PCDHA6: variants seen among roughly 807,000 people sequenced by gnomAD.
PCDHA6 encodes protocadherin alpha-6.
In PCDHA6, 55 loss-of-function variants were observed where a neutral mutation model predicts 60.3. That is an observed-to-expected ratio of 0.91 (90% CI 0.73 to 1.14). The LOEUF (loss-of-function observed/expected upper bound fraction) is 1.14, where lower values mean the gene tolerates loss of function less well. PCDHA6 is among the 50% of genes most tolerant of loss of function. The pLI, the probability that PCDHA6 is intolerant of heterozygous loss-of-function variation, is 0.00. For missense variants in PCDHA6, 1,327 were observed against 1,256.5 expected (o/e 1.06, Z -0.85); for synonymous variants, 652 against 557.9 (o/e 1.17, Z -2.38).
At chr5:140,884,433 G>C in intron 1 of PCDHA6, 1 of 1,613,908 alleles carries the variant, frequency 6.2e-7, no homozygotes, top group Non-Finnish European at 8.5e-7. Context: ...ACTGCGCTGC[G>C]GTGCTCGGCA....
chr5:140,930,766 T>C (rs1476506441), intron 1 of PCDHA6, among the ~76,000 whole-genome samples: 1 of 152,240 alleles, frequency 6.6e-6, no homozygotes, highest in Admixed American at 6.5e-5. Context: ...AAATTTTCTG[T>C]ACTTAATATT....
intron 3 of PCDHA6, among the ~76,000 whole-genome samples, chr5:141,000,339 A>ATC (rs1414297743): frequency 9.8e-6 from 1 of 102,338 alleles, no homozygotes; most frequent in Non-Finnish European, 2.1e-5. Context: ...GCAAGGCCCT[A>ATC]TCTCTCTCTC....
At chr5:140,928,077 C>T in intron 1 of PCDHA6, 1 of 1,614,230 alleles carries the variant, frequency 6.2e-7, no homozygotes, top group Non-Finnish European at 8.5e-7. Context: ...ACAACTACTA[C>T]AGCCTGCTGA....
intron 1 of PCDHA6, chr5:140,883,531 T>C (rs782406173): frequency 6.8e-6 from 11 of 1,614,092 alleles, no homozygotes; most frequent in Middle Eastern, 1.6e-4. Flanking sequence ...TATCAGCCTA[T>C]GAACTGGTGG....
intron 1 of PCDHA6, among the ~76,000 whole-genome samples, chr5:140,918,680 C>T (rs1291001659): frequency 6.6e-6 from 1 of 152,084 alleles, no homozygotes; most frequent in Non-Finnish European, 1.5e-5. Flanking sequence ...GAGGTGAGAC[C>T]TTTCAAACAT....
chr5:140,961,571 A>AT (rs2095622432), intron 1 of PCDHA6, among the ~76,000 whole-genome samples: 1 of 152,076 alleles, frequency 6.6e-6, no homozygotes. Flanking sequence ...TTTTGTTTTG[A>AT]TAAGCATTTA....
In PCDHA6 at chr5:140,829,217, G is replaced by C. The variant is rs2150164060; in HGVS notation, c.1126G>C (p.Asp376His). ...TGTCATCGCCCTAATTAGCGTGAAC[G>C]ACCTCGATTCAGGTGCCAACGGGCA... ...GTVIALISVN[D>H]LDSGANGQVN... The change falls in exon 1 of 4, where the codon GAC (aspartate) becomes CAC (histidine). Residue 376 changes from aspartate to histidine, a missense_variant. Physicochemically the swap from Asp to His is moderately conservative, Grantham distance 81. Coordinates refer to ENST00000529310, the MANE Select transcript of PCDHA6 (RefSeq NM_018909.4). 3.3e-5 allele frequency: 54 copies of C among 1,614,086 alleles called. No individual in the cohort carries two copies. The highest frequency in any genetic ancestry group is 4.3e-5 in the Non-Finnish European group (51 of 1,180,044).
chr5:140,879,064 G>C (rs1389510074), intron 1 of PCDHA6, among the ~76,000 whole-genome samples: 1 of 152,214 alleles, frequency 6.6e-6, no homozygotes, highest in South Asian at 2.1e-4. Flanking sequence ...TACCAAGAAA[G>C]TGTTAAGAGA....
At chr5:140,938,333 T>G (rs2092022298) in intron 1 of PCDHA6, among the ~76,000 whole-genome samples, 1 of 152,248 alleles carries the variant, frequency 6.6e-6, no homozygotes, top group Non-Finnish European at 1.5e-5. Context: ...GTAATGTTAA[T>G]GGATAATCTT....
At chr5:140,927,816 A>G in intron 1 of PCDHA6, 2 of 1,614,198 alleles carry the variant, frequency 1.2e-6, no homozygotes, top group Non-Finnish European at 1.7e-6. Flanking sequence ...TCTTGGAGGC[A>G]TACATTGAGG....
rs1413511622 is a variant in PCDHA6, at chr5:140,853,854, T to A, written c.2394+23369T>A. ...CGAAATTTTAGATCCATAGCCCTAT[T>A]TGATACTTGACAGTGCAAGTTTCTG... On this transcript the variant is annotated intron_variant, in intron 1 of 3. Coordinates refer to ENST00000529310, the MANE Select transcript of PCDHA6 (RefSeq NM_018909.4). The A allele has an allele frequency of 2.1e-5, 21 of 985,682 alleles. 4 individuals carry two copies. The highest frequency in any genetic ancestry group is 2.3e-5 in the Non-Finnish European group (19 of 817,834). The allele number at this position is 985,682 out of a possible 1,614,324, so 61.1% of individuals were successfully genotyped here. A position where few individuals can be genotyped will look rare whatever the true frequency, so the allele number is the denominator to read the frequency against.
intron 1 of PCDHA6, chr5:140,849,034 T>A: frequency 6.3e-7 from 1 of 1,579,556 alleles, no homozygotes; most frequent in Non-Finnish European, 8.6e-7. Context: ...TATTTCTTCC[T>A]GGACGTGCCA....
Position 140,828,817 on chromosome 5 carries a change from C to G in PCDHA6, c.726C>G (p.Phe242Leu). Residue 242 changes from phenylalanine to leucine, a missense_variant, in exon 1 of 4, where the codon TTC becomes TTG. Coordinates refer to ENST00000529310, the MANE Select transcript of PCDHA6 (RefSeq NM_018909.4). The part of the protein sequence containing the change: ...VLDVNDNAPT[F>L]EQSEYEVRIF... ...ATGTGAATGATAATGCTCCCACTTT[C>G]GAACAGTCTGAATACGAAGTAAGAA... 3 of 1,614,148 alleles carry G rather than the reference C, an allele frequency of 1.9e-6. No individual in the cohort carries two copies. The African/African-American group carries it at 4.0e-5, about 22-fold the overall frequency.
intron 1 of PCDHA6, chr5:140,855,854 T>A: frequency 1.5e-6 from 1 of 683,620 alleles, no homozygotes; most frequent in South Asian, 2.3e-5. Flanking sequence ...AGCCACCGGA[T>A]GTCGCTGTCG....
intron 1 of PCDHA6, among the ~76,000 whole-genome samples, chr5:140,899,225 A>G (rs1479429839): frequency 6.6e-6 from 1 of 152,038 alleles, no homozygotes; most frequent in African/African-American, 2.4e-5. Flanking sequence ...TTCCAACACT[A>G]TGTTGAATAG....
At chr5:140,926,281 T>A (rs2083071196) in intron 1 of PCDHA6, 1 of 152,306 alleles carries the variant, frequency 6.6e-6, no homozygotes, top group African/African-American at 2.4e-5. Context: ...GCTCGGCAGC[T>A]CCACGCTGAG....
intron 3 of PCDHA6, among the ~76,000 whole-genome samples, chr5:140,990,425 T>G (rs1268987059): frequency 6.6e-6 from 1 of 152,214 alleles, no homozygotes; most frequent in Non-Finnish European, 1.5e-5. Context: ...CAACCAGCAT[T>G]GACCCAATCT....
intron 1 of PCDHA6, among the ~76,000 whole-genome samples, chr5:140,978,640 G>T (rs1339340351): frequency 6.6e-6 from 1 of 152,252 alleles, no homozygotes; most frequent in African/African-American, 2.4e-5. Flanking sequence ...TCTCAAAGCA[G>T]ACTGTTCTTC....
At chr5:140,858,241 G>T in intron 1 of PCDHA6, 1 of 1,596,686 alleles carries the variant, frequency 6.3e-7, no homozygotes, top group Non-Finnish European at 8.6e-7. Context: ...GCGCATGTGG[G>T]CCGGTGAAGC....
Sources: gnomAD v4.1 joint callset for allele counts (sites outside exome capture counted in the v4.1 genomes callset) on GRCh38, gnomAD v4.1.1 for gene constraint, MANE v1.5 for transcripts, NCBI Gene and HGNC (gene_info 2026-07-23, HGNC 2026-07-21) for gene names.